ERBB4: variants seen among roughly 807,000 people sequenced by gnomAD.
ERBB4 encodes erb-b2 receptor tyrosine kinase 4, also known as receptor tyrosine-protein kinase erbB-4.
Under a neutral mutation model 158.0 loss-of-function variants are expected in ERBB4, and 42 were observed. The observed-to-expected ratio is 0.27, with a 90% confidence interval of 0.21 to 0.34. The LOEUF is 0.34. Ranked by LOEUF, ERBB4 falls within the 10% of genes least tolerant of loss-of-function variation. ERBB4 has a pLI of 1.00. For missense variants in ERBB4, 1,333 were observed against 1,624.1 expected, an observed-to-expected ratio of 0.82 and a Z score of 3.08; for synonymous variants, 583 against 558.7, an observed-to-expected ratio of 1.04 and a Z score of -0.61.
intron 1 of ERBB4, among the ~76,000 whole-genome samples, chr2:212,202,792 C>G (rs1386978112): frequency 6.6e-6 from 1 of 152,022 alleles, no homozygotes; most frequent in Non-Finnish European, 1.5e-5. Context: ...AAATCTGATT[C>G]TGAAACATGG....
intron 4 of ERBB4, among the ~76,000 whole-genome samples, chr2:211,763,244 A>C (rs2075460350): frequency 6.6e-6 from 1 of 152,232 alleles, no homozygotes; most frequent in South Asian, 2.1e-4. Flanking sequence ...CATGAACATA[A>C]AGAAATTCTG....
chr2:212,020,645 C>T (rs2076628580), intron 2 of ERBB4, among the ~76,000 whole-genome samples: 1 of 152,092 alleles, frequency 6.6e-6, no homozygotes, highest in Non-Finnish European at 1.5e-5. Context: ...GTTTTTATTG[C>T]CTCATACACT....
intron 25 of ERBB4, among the ~76,000 whole-genome samples, chr2:211,407,173 AAAGAT>A (rs1217016406): frequency 6.6e-6 from 1 of 152,178 alleles, no homozygotes; most frequent in Non-Finnish European, 1.5e-5. Context: ...GTACTTGGCA[AAAGAT>A]AAGTGATAAC....
At chr2:211,528,332 C>T (rs1455771854) in intron 20 of ERBB4, among the ~76,000 whole-genome samples, 3 of 151,842 alleles carry the variant, frequency 2.0e-5, no homozygotes, top group African/African-American at 7.3e-5. Flanking sequence ...TATATGTACT[C>T]AACATTGGAG....
chr2:211,529,400 T>C (rs2066435650), intron 20 of ERBB4, among the ~76,000 whole-genome samples: 1 of 152,086 alleles, frequency 6.6e-6, no homozygotes, highest in African/African-American at 2.4e-5. Flanking sequence ...TCTGACGGCT[T>C]CACTGCTGAA....
chr2:212,459,903 T>C (rs551152884), intron 1 of ERBB4, among the ~76,000 whole-genome samples: 1 of 152,220 alleles, frequency 6.6e-6, no homozygotes, highest in East Asian at 1.9e-4. Context: ...ATAATAAAAC[T>C]AGACCCCTAC....
intron 25 of ERBB4, among the ~76,000 whole-genome samples, chr2:211,408,034 C>A (rs1475280442): frequency 1.3e-5 from 2 of 152,174 alleles, no homozygotes; most frequent in Non-Finnish European, 2.9e-5. Flanking sequence ...CAGAAGCAAT[C>A]ATCATAGCAG....
rs375316562 is a variant in ERBB4 at position 211,732,347 on chromosome 2, C to G, written c.623-7153G>C. On this transcript the variant is annotated intron_variant, in intron 5 of 27. Transcript: ENST00000342788. ...TATCTAACATATTTAAAAAGGCTCTCAGAGGTCTTTTTTGAAAAAAAAAAT... is the reference window on the plus strand; with the variant it reads ...TATCTAACATATTTAAAAAGGCTCTGAGAGGTCTTTTTTGAAAAAAAAAAT... 1.2e-3 allele frequency among the ~76,000 whole-genome samples: 171 copies of G among 147,866 alleles called. 3 individuals are homozygous for G. In the South Asian group the frequency reaches 0.035, roughly 31 times the overall value.
intron 4 of ERBB4, among the ~76,000 whole-genome samples, chr2:211,763,083 G>T (rs74923090): frequency 0.04 from 6,162 of 152,158 alleles, 314 homozygotes; most frequent in African/African-American, 0.11. Flanking sequence ...GGAGACATGA[G>T]AACGGTTTGG....
At chr2:212,091,557 G>C (rs1465675508) in intron 2 of ERBB4, among the ~76,000 whole-genome samples, 2 of 152,082 alleles carry the variant, frequency 1.3e-5, no homozygotes, top group Admixed American at 1.3e-4. Context: ...CATGACCCCT[G>C]AAGGGTGAGA....
At chr2:212,261,969 A>G (rs1370860076) in intron 1 of ERBB4, among the ~76,000 whole-genome samples, 1 of 152,150 alleles carries the variant, frequency 6.6e-6, no homozygotes, top group Non-Finnish European at 1.5e-5. Flanking sequence ...TTACTGTGAA[A>G]CTAAATCACA....
At position 211,998,802 on chromosome 2, in the gene ERBB4, G is replaced by A. The variant is rs1575493489; in HGVS notation, c.235-51186C>T. 2.6e-5 allele frequency among the ~76,000 whole-genome samples: 4 copies of A among 151,764 alleles called. No individual in the cohort carries two copies. The East Asian group carries it at 7.7e-4, about 29-fold the overall frequency. On this transcript the variant is annotated intron_variant, in intron 2 of 27. Coordinates refer to ENST00000342788, the MANE Select transcript of ERBB4 (RefSeq NM_005235.3). The stretch of plus-strand genomic sequence containing the variant: ...CCCTAGGGATGATTTCAGTGATTAG[G>A]TGAGATATAATTATATTACTTATTA...
intron 20 of ERBB4, among the ~76,000 whole-genome samples, chr2:211,514,327 C>T (rs1047116570): frequency 6.6e-6 from 1 of 152,108 alleles, no homozygotes; most frequent in Non-Finnish European, 1.5e-5. Flanking sequence ...CTGAAAGAAT[C>T]AAAGTAAGGT....
At chr2:211,490,513 T>A (rs558865686) in intron 20 of ERBB4, among the ~76,000 whole-genome samples, 9 of 152,068 alleles carry the variant, frequency 5.9e-5, no homozygotes, top group African/African-American at 1.9e-4. Flanking sequence ...ATGGATGACT[T>A]AATTAAAAGT....
At chr2:212,303,375 T>C (rs1399321181) in intron 1 of ERBB4, among the ~76,000 whole-genome samples, 2 of 123,486 alleles carry the variant, frequency 1.6e-5, no homozygotes, top group Non-Finnish European at 3.7e-5. Context: ...GAATGGATCT[T>C]TATCCACAGC....
At chr2:211,625,883 AT>A (rs1309779707) in intron 17 of ERBB4, among the ~76,000 whole-genome samples, 6 of 152,256 alleles carry the variant, frequency 3.9e-5, no homozygotes, top group Non-Finnish European at 7.3e-5. Context: ...CCATGCAATA[AT>A]TGCATATTTT....
chr2:211,659,221 C>A (rs2071330392), intron 15 of ERBB4, among the ~76,000 whole-genome samples: 1 of 151,958 alleles, frequency 6.6e-6, no homozygotes, highest in African/African-American at 2.4e-5. Flanking sequence ...AACATTCCTG[C>A]TAGCTTAAAA....
chr2:212,115,849 A>G (rs555454978), intron 2 of ERBB4, among the ~76,000 whole-genome samples: 2 of 152,244 alleles, frequency 1.3e-5, no homozygotes, highest in East Asian at 1.9e-4. Context: ...CTATAAATTC[A>G]TTATATGCAC....
At chr2:212,229,392 C>T (rs186857649) in intron 1 of ERBB4, among the ~76,000 whole-genome samples, 7 of 152,206 alleles carry the variant, frequency 4.6e-5, no homozygotes, top group Admixed American at 3.9e-4. Context: ...GGCAATGGTG[C>T]TCTAGGTAGA....
Sources: gnomAD v4.1 joint callset for allele counts (sites outside exome capture counted in the v4.1 genomes callset) on GRCh38, gnomAD v4.1.1 for gene constraint, MANE v1.5 for transcripts, NCBI Gene and HGNC (gene_info 2026-07-23, HGNC 2026-07-21) for gene names.